ZNF565: variants seen among roughly 807,000 people sequenced by gnomAD.
ZNF565 encodes the protein zinc finger protein 565.
A neutral mutation model predicts 39.4 loss-of-function variants in ZNF565; 27 were observed. That is an observed-to-expected ratio of 0.69 (90% confidence interval 0.51 to 0.95). The LOEUF is 0.95. Ranked by LOEUF, ZNF565 falls within the 40% of genes least tolerant of loss-of-function variation. The pLI, the probability that ZNF565 is intolerant of heterozygous loss-of-function variation, is 0.00. For synonymous variants in ZNF565, 185 were observed against 216.6 expected (o/e 0.85, Z 1.28); for missense variants, 524 against 621.1 (o/e 0.84, Z 1.66).
At chr19:36,188,141 G>T (rs775388713) in intron 4 of ZNF565, among the ~76,000 whole-genome samples, 1 of 151,620 alleles carries the variant, frequency 6.6e-6, no homozygotes, top group East Asian at 2.0e-4. Flanking sequence ...TGGATCATGA[G>T]GTCAGGAGTT....
At chr19:36,217,256 T>C (rs1245527687), upstream of ZNF565, among the ~76,000 whole-genome samples, 1 of 151,104 alleles carries the variant, frequency 6.6e-6, no homozygotes, top group Non-Finnish European at 1.5e-5. Context: ...AGAGACAGGG[T>C]TTTACCATGT....
chr19:36,223,399 G>A (rs1175350063), intron 1 of ZNF565, among the ~76,000 whole-genome samples: 3 of 150,988 alleles, frequency 2.0e-5, no homozygotes, highest in African/African-American at 7.3e-5. Flanking sequence ...GTATCTCTCC[G>A]TCCCCCAGGC....
upstream of ZNF565, among the ~76,000 whole-genome samples, chr19:36,218,825 G>A (rs146457452): frequency 2.0e-4 from 29 of 142,816 alleles, 1 homozygote; most frequent in Admixed American, 5.7e-4. Context: ...TTGGTGGAGG[G>A]GGGGACAGAG....
At chr19:36,236,069 A>C in intron 1 of ZNF565, 1 of 190,344 alleles carries the variant, frequency 5.3e-6, no homozygotes, top group Non-Finnish European at 1.1e-5. Context: ...TGTTACTCAT[A>C]TGTTGCATTT....
Position 36,182,650 on chromosome 19 carries a change from C to T in ZNF565, c.1316G>A (p.Arg439Gln), listed in dbSNP as rs1221182450. 13 of 1,614,066 alleles carry T rather than the reference C, an allele frequency of 8.1e-6. No individual in the cohort carries two copies. The highest frequency in any genetic ancestry group is 1.7e-5 in the Admixed American group (1 of 59,990). The change falls in exon 5 of 5, where the codon CGA becomes CAA. Residue 439 changes from arginine to glutamine, a missense_variant. Transcript: ENST00000304116. ...IRVSQLTHHQRIHTCEKPYEC... is the reference protein window; with the variant it reads ...IRVSQLTHHQQIHTCEKPYEC... ...ATAGGGTTTCTCACAAGTGTGAATTCGCTGATGATGAGTCAGTTGTGAAAC... is the reference window on the plus strand; with the variant it reads ...ATAGGGTTTCTCACAAGTGTGAATTTGCTGATGATGAGTCAGTTGTGAAAC...
chr19:36,213,652 C>T (rs1166447210), intron 1 of ZNF565, among the ~76,000 whole-genome samples: 1 of 151,496 alleles, frequency 6.6e-6, no homozygotes, highest in Non-Finnish European at 1.5e-5. Context: ...TCCCAAAGTG[C>T]TGGGATTACA....
intron 4 of ZNF565, among the ~76,000 whole-genome samples, chr19:36,186,787 A>T (rs909243177): frequency 1.3e-5 from 2 of 149,908 alleles, no homozygotes; most frequent in African/African-American, 2.4e-5. Context: ...GAACTTGTTT[A>T]AAAAAAAAAG....
rs573531371 is a variant in ZNF565, at chr19:36,241,352, C to G, written c.55+4124G>C. 4.0e-5 allele frequency among the ~76,000 whole-genome samples: 6 copies of G among 151,650 alleles called. No individual in the cohort carries two copies. In the East Asian group the frequency reaches 5.8e-4, roughly 15 times the overall value. On this transcript the variant is annotated intron_variant, in intron 1 of 4. Transcript: ENST00000355114. ...TACAAAAATTAGCCAGATGTGGTAGCGGGGGCCAGTAATCCCAGCTACTTG... is the reference window on the plus strand; with the variant it reads ...TACAAAAATTAGCCAGATGTGGTAGGGGGGGCCAGTAATCCCAGCTACTTG...
At position 36,237,484 on chromosome 19, in the gene ZNF565, A is replaced by G; in HGVS notation, c.55+7992T>C. The G allele has an allele frequency of 4.0e-6, 3 of 757,374 alleles. No individual in the cohort carries two copies. The South Asian group carries it at 7.0e-5, about 18-fold the overall frequency. 46.9% of individuals were successfully genotyped at this position (757,374 alleles called of 1,614,324 possible). A position where few individuals can be genotyped will look rare whatever the true frequency, so the allele number is the denominator to read the frequency against. On this transcript the variant is annotated intron_variant, in intron 1 of 4. Transcript: ENST00000355114. The stretch of plus-strand genomic sequence containing the variant: ...GAAAATTTGTACTGAAGAGAAAGAC[A>G]TGCATATGATTAAAACCCTGTGTCC...
intron 1 of ZNF565, among the ~76,000 whole-genome samples, chr19:36,206,894 AAAG>A (rs1487719907): frequency 2.0e-5 from 3 of 151,880 alleles, no homozygotes; most frequent in African/African-American, 4.9e-5. Flanking sequence ...AGATAAAAAC[AAAG>A]AAGATTAAGG....
At chr19:36,217,277 G>T (rs538771723), upstream of ZNF565, among the ~76,000 whole-genome samples, 2 of 151,610 alleles carry the variant, frequency 1.3e-5, no homozygotes, top group East Asian at 3.9e-4. Context: ...TGGCCAGGCT[G>T]GTCTTGAACT....
intron 1 of ZNF565, among the ~76,000 whole-genome samples, chr19:36,221,818 T>C (rs1274513779): frequency 6.6e-6 from 1 of 151,832 alleles, no homozygotes; most frequent in Non-Finnish European, 1.5e-5. Flanking sequence ...TTCTCTTCAC[T>C]CCTGTTTCCC....
rs765603746 is a variant in ZNF565, at chr19:36,194,726, T to C, written c.136+304A>G. ...CCGACAGCTCACCGTAAGGACTGCA[T>C]TACCCATGCCCTATGGCTTCTCATT... On this transcript the variant is annotated intron_variant, in intron 3 of 4. Coordinates refer to ENST00000304116, the MANE Select transcript of ZNF565 (RefSeq NM_152477.5). 552 of 516,772 alleles carry C rather than the reference T, an allele frequency of 1.1e-3. 4 individuals are homozygous for C. In the Middle Eastern group the frequency reaches 0.013, roughly 12 times the overall value. The allele number at this position is 516,772 out of a possible 1,614,324, so 32.0% of individuals were successfully genotyped here.
intron 4 of ZNF565, among the ~76,000 whole-genome samples, chr19:36,193,293 T>C (rs568348795): frequency 2.4e-4 from 37 of 151,746 alleles, no homozygotes; most frequent in African/African-American, 8.9e-4. Context: ...AATTTTTGTA[T>C]TTTTAGTAGA....
intron 4 of ZNF565, among the ~76,000 whole-genome samples, chr19:36,188,164 G>A (rs1975379719): frequency 1.3e-5 from 2 of 151,040 alleles, no homozygotes; most frequent in African/African-American, 2.4e-5. Flanking sequence ...AGCCCAGCCT[G>A]GCTAACACGG....
chr19:36,204,672 G>A lies in ZNF565; in HGVS notation c.-65-2622C>T, dbSNP rs552308924. ...TAGAATCTAGAGGCAGATAATGCTG[G>A]AGATGACATCAGGGGTTAGAAAATG... is the stretch of plus-strand genomic sequence containing the variant. On this transcript the variant is annotated intron_variant, in intron 1 of 4. Coordinates refer to ENST00000304116, the MANE Select transcript of ZNF565 (RefSeq NM_152477.5). 3.9e-5 allele frequency among the ~76,000 whole-genome samples: 6 copies of A among 152,176 alleles called. No homozygotes were observed. The South Asian group carries it at 1.2e-3, about 32-fold the overall frequency.
intron 1 of ZNF565, among the ~76,000 whole-genome samples, chr19:36,224,216 T>C (rs1261278279): frequency 2.0e-5 from 3 of 152,138 alleles, no homozygotes; most frequent in Non-Finnish European, 2.9e-5. Flanking sequence ...ACCCTGTCTC[T>C]ACTAAAAATA....
At chr19:36,232,802 G>A (rs1977444879) in intron 1 of ZNF565, among the ~76,000 whole-genome samples, 1 of 151,986 alleles carries the variant, frequency 6.6e-6, no homozygotes. Flanking sequence ...TAGAGACGAG[G>A]TTTCACCATG....
rs767622770 is a variant in ZNF565, at chr19:36,183,074, G to C, written c.892C>G (p.Arg298Gly). The change falls in exon 5 of 5, where the codon CGG becomes GGG. Residue 298 changes from arginine (R) to glycine (G), a missense_variant. Transcript: ENST00000304116. The stretch of plus-strand genomic sequence containing the variant: ...GGTCTGGCCCCTGTGTGGATTCTCC[G>C]ATGCACAGTGAGTTGGGAGCCACGA... ...FIRGSQLTVH[R>G]RIHTGARPYE... 1.9e-6 allele frequency: 3 copies of C among 1,614,114 alleles called. No individual in the cohort carries two copies. Among genetic ancestry groups the C allele is most frequent in the Non-Finnish European group, 2.5e-6 (3 of 1,180,040 alleles).
Sources: allele counts gnomAD v4.1 joint callset (sites outside exome capture counted in the v4.1 genomes callset), GRCh38; gene constraint gnomAD v4.1.1; transcripts MANE v1.5; gene names NCBI Gene and HGNC (gene_info 2026-07-23, HGNC 2026-07-21).